Variants in DENND1A observed in about 807,000 individuals in gnomAD.
DENND1A encodes the protein DENN domain-containing protein 1A.
DENND1A carries 51 observed loss-of-function variants against 113.7 expected under a neutral mutation model. That is an observed-to-expected ratio of 0.45 (90% confidence interval 0.36 to 0.57). The LOEUF is 0.57. Among genes scored for constraint, DENND1A ranks in the 20% least tolerant of loss-of-function variants. DENND1A has a pLI of 0.00. For missense variants in DENND1A, 1,258 were observed against 1,395.9 expected, an observed-to-expected ratio of 0.90 and a Z score of 1.57; for synonymous variants, 565 against 570.8, an observed-to-expected ratio of 0.99 and a Z score of 0.14.
chr9:123,761,857 T>C (rs375390039), intron 4 of DENND1A, among the ~76,000 whole-genome samples: 1 of 152,128 alleles, frequency 6.6e-6, no homozygotes, highest in Non-Finnish European at 1.5e-5. Flanking sequence ...TATTTCTCCA[T>C]AAAAATGACC....
chr9:123,417,628 C>T (rs2044845591), intron 19 of DENND1A, among the ~76,000 whole-genome samples: 1 of 152,134 alleles, frequency 6.6e-6, no homozygotes, highest in South Asian at 2.1e-4. Context: ...AATCCTTGTC[C>T]CTTCTGAAGT....
At chr9:123,635,571 A>G (rs1340459096) in intron 9 of DENND1A, among the ~76,000 whole-genome samples, 2 of 152,256 alleles carry the variant, frequency 1.3e-5, no homozygotes, top group East Asian at 1.9e-4. Flanking sequence ...ACAGATATGC[A>G]TTTGCCTTGC....
intron 2 of DENND1A, among the ~76,000 whole-genome samples, chr9:123,830,012 G>C (rs1417136273): frequency 6.6e-6 from 1 of 152,104 alleles, no homozygotes; most frequent in Non-Finnish European, 1.5e-5. Flanking sequence ...CAACCTACTT[G>C]AATTTATTCC....
chr9:123,903,569 G>A (rs1027956560), intron 1 of DENND1A, among the ~76,000 whole-genome samples: 19 of 152,300 alleles, frequency 1.2e-4, no homozygotes, highest in African/African-American at 4.1e-4. Context: ...GGAAGCGCAA[G>A]GGGTCAGGGA....
chr9:123,393,507 G>A (rs1055189287), intron 21 of DENND1A, among the ~76,000 whole-genome samples: 6 of 151,714 alleles, frequency 4.0e-5, no homozygotes, highest in Non-Finnish European at 5.9e-5. Context: ...GGCCAGCCTG[G>A]GCAACACAGC....
intron 5 of DENND1A, among the ~76,000 whole-genome samples, chr9:123,688,361 T>TA (rs1323912932): frequency 6.6e-6 from 1 of 152,212 alleles, no homozygotes; most frequent in Non-Finnish European, 1.5e-5. Context: ...AATGAGATAA[T>TA]AATTAAGCTC....
chr9:123,868,148 C>A (rs752227854), intron 2 of DENND1A, among the ~76,000 whole-genome samples: 4 of 152,186 alleles, frequency 2.6e-5, no homozygotes, highest in Non-Finnish European at 4.4e-5. Flanking sequence ...TGAAAAGGAT[C>A]CTGACTGATG....
At chr9:123,569,897 C>T (rs1267643694) in intron 12 of DENND1A, among the ~76,000 whole-genome samples, 1 of 152,142 alleles carries the variant, frequency 6.6e-6, no homozygotes, top group Non-Finnish European at 1.5e-5. Context: ...TCACATCATT[C>T]CCTGGCTTAA....
At chr9:123,630,288 T>C in intron 10 of DENND1A, 88 bp downstream of exon 10, 1 of 593,744 alleles carries the variant, frequency 1.7e-6, no homozygotes, top group Non-Finnish European at 2.4e-6. Context: ...TAATGTAGAG[T>C]CACCAACTGC....
intron 10 of DENND1A, among the ~76,000 whole-genome samples, chr9:123,622,368 A>G (rs1460520609): frequency 6.6e-6 from 1 of 152,248 alleles, no homozygotes; most frequent in Admixed American, 6.5e-5. Context: ...AGGGGGAAAA[A>G]GAAATTTACA....
At chr9:123,499,801 G>A (rs1442492886) in intron 13 of DENND1A, among the ~76,000 whole-genome samples, 1 of 152,326 alleles carries the variant, frequency 6.6e-6, no homozygotes, top group Middle Eastern at 3.4e-3. Context: ...TGCTGGCTGA[G>A]CTGGCTGCTC....
At chr9:123,602,488 A>C (rs1437137789) in intron 11 of DENND1A, among the ~76,000 whole-genome samples, 2 of 152,220 alleles carry the variant, frequency 1.3e-5, no homozygotes, top group Non-Finnish European at 2.9e-5. Context: ...TGCAAGTGTG[A>C]ATATCTCCTA....
At chr9:123,439,072 G>A (rs1026441209) in intron 19 of DENND1A, among the ~76,000 whole-genome samples, 1 of 152,262 alleles carries the variant, frequency 6.6e-6, no homozygotes, top group Non-Finnish European at 1.5e-5. Flanking sequence ...ACCAGGGGCT[G>A]TGCTTTCAGC....
At chr9:123,593,300 A>G (rs377306628) in intron 11 of DENND1A, among the ~76,000 whole-genome samples, 41 of 152,346 alleles carry the variant, frequency 2.7e-4, no homozygotes, top group African/African-American at 7.0e-4. Context: ...AAATGGGTCT[A>G]TAACAACTTG....
At chr9:123,522,707 T>C (rs2135071139) in intron 13 of DENND1A, among the ~76,000 whole-genome samples, 1 of 152,348 alleles carries the variant, frequency 6.6e-6, no homozygotes, top group South Asian at 2.1e-4. Flanking sequence ...AGCTACCTTT[T>C]AATGAGCTCC....
rs1588266242 is a variant in DENND1A at position 123,921,504 on chromosome 9, GCCTATGCGAGATCAATGCAACAC to G, written c.17+8362_17+8384del. Among the ~76,000 whole-genome samples the G allele has an allele frequency of 3.3e-5, 5 of 152,206 alleles. No homozygotes were observed. The East Asian group carries it at 9.6e-4, about 29-fold the overall frequency. On this transcript the variant is annotated intron_variant, in intron 1 of 23. Coordinates refer to ENST00000394215, the MANE Select transcript of DENND1A (RefSeq NM_001352964.2). ...TTCCTTCCTTCCATTTATTCATACA[GCCTATGCGAGATCAATGCAACAC>G]CCTCAAACCTTTCCTGTGGCTAAAG...
chr9:123,549,044 T>C (rs556873466), intron 13 of DENND1A, among the ~76,000 whole-genome samples: 19 of 152,360 alleles, frequency 1.2e-4, no homozygotes, highest in Non-Finnish European at 2.5e-4. Context: ...TACTTAACAA[T>C]GGTTAAAATA....
intron 6 of DENND1A, among the ~76,000 whole-genome samples, chr9:123,672,524 GC>G (rs1468409334): frequency 3.3e-5 from 5 of 152,146 alleles, no homozygotes; most frequent in Admixed American, 2.6e-4. Flanking sequence ...ATTAATTATT[GC>G]TGTGGTTTAA....
At chr9:123,707,725 C>T (rs1020490303) in intron 5 of DENND1A, among the ~76,000 whole-genome samples, 7 of 151,954 alleles carry the variant, frequency 4.6e-5, no homozygotes, top group Middle Eastern at 3.2e-3. Flanking sequence ...GGAGAACTGA[C>T]GACAACAAAT....
Sources: gnomAD v4.1 joint callset for allele counts (sites outside exome capture counted in the v4.1 genomes callset) on GRCh38, gnomAD v4.1.1 for gene constraint, MANE v1.5 for transcripts, NCBI Gene and HGNC (gene_info 2026-07-23, HGNC 2026-07-21) for gene names.